Variants in NELFCD observed in about 807,000 individuals in gnomAD.
NELFCD encodes the protein negative elongation factor complex member C/D.
Under a neutral mutation model 72.9 loss-of-function variants are expected in NELFCD, and 48 were observed. That is an observed-to-expected ratio of 0.66 (90% CI 0.52 to 0.84). The LOEUF (loss-of-function observed/expected upper bound fraction) is 0.84. Among genes scored for constraint, NELFCD ranks in the 40% least tolerant of loss-of-function variants. NELFCD has a pLI of 0.00. For missense variants in NELFCD, 538 were observed against 723.8 expected, an observed-to-expected ratio of 0.74 and a Z score of 2.94; for synonymous variants, 297 against 280.6, an observed-to-expected ratio of 1.06 and a Z score of -0.59.
rs1322839255 is a variant in NELFCD at position 58,991,893 on chromosome 20, A to G, written c.1102A>G (p.Ser368Gly). The change falls in exon 10 of 15, where the codon AGC becomes GGC. Residue 368 changes from serine (S) to glycine (G), a missense_variant. Ser to Gly is a moderately conservative substitution (Grantham distance 56). Coordinates refer to ENST00000652272, the MANE Select transcript of NELFCD (RefSeq NM_198976.4). Reference sequence around the variant, plus strand: ...TGTGTGTTTTCAGAACAAGCGAGTGAGCATCAATAAAGATGAGCTGAAGTC... The same window carrying G: ...TGTGTGTTTTCAGAACAAGCGAGTGGGCATCAATAAAGATGAGCTGAAGTC... The part of the protein sequence containing the change: ...VETWKKNKRV[S>G]INKDELKSTS... 1.2e-6 allele frequency: 2 copies of G among 1,614,204 alleles called. No homozygotes were observed. The highest frequency in any genetic ancestry group is 1.7e-6 in the Non-Finnish European group (2 of 1,180,026).
intron 1 of NELFCD, among the ~76,000 whole-genome samples, chr20:58,983,667 C>T (rs987721728): frequency 6.6e-6 from 1 of 152,178 alleles, no homozygotes; most frequent in African/African-American, 2.4e-5. Context: ...CTCAAGTAAT[C>T]TGCCCGCCTC....
chr20:58,986,229 T>C lies in NELFCD; in HGVS notation c.176+21T>C. 1 of 1,489,142 alleles carries C rather than the reference T, an allele frequency of 6.7e-7. No individual in the cohort carries two copies. The highest frequency in any genetic ancestry group is 9.4e-7 in the Non-Finnish European group (1 of 1,066,138). 92.2% of individuals were successfully genotyped at this position (1,489,142 alleles called of 1,614,324 possible). ...AAGAGGTATGTGAGAAAGGTGTCTG[T>C]ATTGGGAGGAGGCTGGGGGTAATTT... On this transcript the variant is annotated intron_variant, in intron 2 of 14. Coordinates refer to ENST00000652272, the MANE Select transcript of NELFCD (RefSeq NM_198976.4). The surrounding 1 kb of genome is among the most constrained non-coding windows in gnomAD (Gnocchi z 4.4).
chr20:58,982,199 C>CA (rs1425528655), intron 1 of NELFCD, among the ~76,000 whole-genome samples: 3 of 122,812 alleles, frequency 2.4e-5, no homozygotes, highest in Non-Finnish European at 4.8e-5. Flanking sequence ...TCTTGTTGCC[C>CA]AGGCTGGAGT....
intron 4 of NELFCD, 124 bp from the exon 5 acceptor site, chr20:58,988,790 C>G: frequency 2.9e-6 from 2 of 681,372 alleles, no homozygotes; most frequent in East Asian, 2.8e-5. Flanking sequence ...CTGCCTCCCC[C>G]AGAACTAGAT....
intron 9 of NELFCD, 44 bp from the exon 10 acceptor site, chr20:58,991,837 A>T: frequency 1.2e-6 from 2 of 1,600,214 alleles, no homozygotes; most frequent in Non-Finnish European, 8.5e-7. Context: ...GACAGCAGGG[A>T]TATCTGCCCT....
In NELFCD at chr20:58,990,968, G is replaced by T. The variant is rs61750762; in HGVS notation, c.847G>T (p.Ala283Ser). The change falls in exon 8 of 15, where the codon GCC becomes TCC. Residue 283 changes from alanine to serine, a missense_variant. Ala to Ser is a moderately conservative substitution (Grantham distance 99, BLOSUM62 1). Coordinates refer to ENST00000652272, the MANE Select transcript of NELFCD (RefSeq NM_198976.4). ...ALGTAASYPR[A>S]CQALGAMLSK... ...GGGCACAGCTGCCTCCTACCCCAGG[G>T]CCTGCCAGGCTCTCGGGGCCATGCT... The T allele has an allele frequency of 1.2e-6, 2 of 1,614,062 alleles. No homozygotes were observed.
chr20:58,988,508 C>A (rs1288438059), intron 4 of NELFCD, among the ~76,000 whole-genome samples: 1 of 152,204 alleles, frequency 6.6e-6, no homozygotes, highest in Non-Finnish European at 1.5e-5. Flanking sequence ...CATAGGAGAG[C>A]TGAGAGAAAT....
Position 58,990,935 on chromosome 20 carries a change from C to T in NELFCD, c.814C>T (p.Leu272=), listed in dbSNP as rs375256983. ...AGGTCATGACGCCAGTCAGATCACA[C>T]TAGCCTTGGGCACAGCTGCCTCCTA... The part of the protein sequence containing the change: ...EKGHDASQIT[L]ALGTAASYPR... The change falls in exon 8 of 15, where the codon CTA becomes TTA. Residue 272 remains leucine (L), a synonymous_variant. Coordinates refer to ENST00000652272, the MANE Select transcript of NELFCD (RefSeq NM_198976.4). The T allele has an allele frequency of 1.2e-6, 2 of 1,614,066 alleles. No individual in the cohort carries two copies. Among genetic ancestry groups the T allele is most frequent in the African/African-American group, 1.3e-5 (1 of 74,926 alleles).
At chr20:58,994,070 C>A in intron 13 of NELFCD, 40 bp from the exon 14 acceptor site, 1 of 1,609,804 alleles carries the variant, frequency 6.2e-7, no homozygotes, top group South Asian at 1.1e-5. Context: ...ATGCCCCGCA[C>A]TAGTGTGCGG....
chr20:58,993,428 C>G lies in NELFCD; in HGVS notation c.1345-21C>G. Reference sequence around the variant, plus strand: ...AGCGTGACCACACTGCTCAGCGAAGCTCCCTCTGGCCTGTTTGTAGATCAG... The same window carrying G: ...AGCGTGACCACACTGCTCAGCGAAGGTCCCTCTGGCCTGTTTGTAGATCAG... On this transcript the variant is annotated intron_variant, in intron 11 of 14. Coordinates refer to ENST00000652272, the MANE Select transcript of NELFCD (RefSeq NM_198976.4). The surrounding 1 kb of genome is among the most constrained non-coding windows in gnomAD (Gnocchi z 5.0). 6.2e-7 allele frequency: 1 copy of G among 1,610,926 alleles called. No individual in the cohort carries two copies. Among genetic ancestry groups the G allele is most frequent in the South Asian group, 1.1e-5 (1 of 90,918 alleles).
chr20:58,990,884 C>G (rs751375722), intron 7 of NELFCD, 26 bp from the exon 8 acceptor site: 1 of 1,588,564 alleles, frequency 6.3e-7, no homozygotes, highest in Non-Finnish European at 8.6e-7. Context: ...TTGTTAGTAA[C>G]GGGGTCTATG....
chr20:58,992,539 T>C (rs1393236432), intron 10 of NELFCD, among the ~76,000 whole-genome samples: 2 of 152,224 alleles, frequency 1.3e-5, no homozygotes, highest in African/African-American at 4.8e-5. Flanking sequence ...GAGCAGAGAA[T>C]TGAACTCTGC....
At position 58,981,354 on chromosome 20, in the gene NELFCD, G is replaced by T. The variant is rs759421524; in HGVS notation, c.45G>T (p.Glu15Asp). The change falls in exon 1 of 15, where the codon GAG becomes GAT. Residue 15 changes from glutamate (E) to aspartate (D), a missense_variant. Glu to Asp is a conservative substitution (Grantham distance 45). Around this residue, in one of 3 missense-constraint regions of NELFCD, gnomAD observed 47 missense variants for 35.3 expected, o/e 1.33. Coordinates refer to ENST00000652272, the MANE Select transcript of NELFCD (RefSeq NM_198976.4). ...GGAGCGCGGCCGAGTGGGGCGACGAGGCTGACGGCGGCCAGGTGAGGCGGG... is the reference window on the plus strand; with the variant it reads ...GGAGCGCGGCCGAGTGGGGCGACGATGCTGACGGCGGCCAGGTGAGGCGGG... Reference protein sequence around the residue: ...YYGSAAEWGDEADGGQQEDDS... With the variant: ...YYGSAAEWGDDADGGQQEDDS... 1 of 1,111,332 alleles carries T rather than the reference G, an allele frequency of 9.0e-7. No individual in the cohort carries two copies. The highest frequency in any genetic ancestry group is 1.1e-6 in the Non-Finnish European group (1 of 906,750). 68.8% of individuals were successfully genotyped at this position (1,111,332 alleles called of 1,614,324 possible). A position where few individuals can be genotyped will look rare whatever the true frequency, so the allele number is the denominator to read the frequency against.
Position 58,986,376 on chromosome 20 carries a change from G to A in NELFCD, c.176+168G>A. ...TTTTTTTTTTTTTAAATTTTTTTAAGACAGAGTCTTGCTCTGTTGCAGTGG... is the reference window on the plus strand; with the variant it reads ...TTTTTTTTTTTTTAAATTTTTTTAAAACAGAGTCTTGCTCTGTTGCAGTGG... On this transcript the variant is annotated intron_variant, in intron 2 of 14. Coordinates refer to ENST00000652272, the MANE Select transcript of NELFCD (RefSeq NM_198976.4). This position sits in a 1 kb window ranked among gnomAD's most constrained non-coding sequence, Gnocchi z 4.4. 1 of 581,668 alleles carries A rather than the reference G, an allele frequency of 1.7e-6. No homozygotes were observed. The highest frequency in any genetic ancestry group is 3.0e-6 in the Non-Finnish European group (1 of 330,782). The allele number at this position is 581,668 out of a possible 1,614,324, so 36.0% of individuals were successfully genotyped here.
At chr20:58,981,549 C>T (rs2091732690) in intron 1 of NELFCD, among the ~76,000 whole-genome samples, 180 bp downstream of exon 1, 1 of 125,488 alleles carries the variant, frequency 8.0e-6, no homozygotes, top group Admixed American at 7.6e-5. Context: ...CCCGCCCGCC[C>T]GGGGTCCCGC....
intron 7 of NELFCD, 162 bp downstream of exon 7, chr20:58,990,150 A>G (rs2091805138): frequency 5.5e-6 from 5 of 906,514 alleles, no homozygotes; most frequent in Admixed American, 2.8e-5. Context: ...TAATCCCAGC[A>G]CTTTGGGAGG....
intron 4 of NELFCD, 113 bp downstream of exon 4, chr20:58,987,930 A>G: frequency 1.3e-6 from 1 of 769,062 alleles, no homozygotes; most frequent in Non-Finnish European, 2.2e-6. Flanking sequence ...GAGGACTAAA[A>G]TCAGAGTGTG....
At chr20:58,992,948 T>G in intron 10 of NELFCD, 50 bp from the exon 11 acceptor site, 1 of 1,316,956 alleles carries the variant, frequency 7.6e-7, no homozygotes, top group Non-Finnish European at 1.1e-6. Flanking sequence ...TTCTAGCATA[T>G]TTTGTGTTTT....
intron 10 of NELFCD, among the ~76,000 whole-genome samples, chr20:58,992,675 A>C (rs163783): frequency 0.81 from 122,888 of 151,970 alleles, 49,841 homozygotes; most frequent in East Asian, 0.87. Flanking sequence ...GCAAGAAAAT[A>C]GTTTGAGCCC....
Sources: gnomAD v4.1 joint callset for allele counts (sites outside exome capture counted in the v4.1 genomes callset) on GRCh38, gnomAD v4.1.1 for gene constraint, gnomAD v4.1.1 regional missense constraint, Gnocchi (gnomAD v3.1) non-coding constraint, MANE v1.5 for transcripts, NCBI Gene and HGNC (gene_info 2026-07-23, HGNC 2026-07-21) for gene names.